Variants in CHLSN observed in about 807,000 individuals in gnomAD.
CHLSN encodes the protein protein cholesin.
the CHLSN span, among the ~76,000 whole-genome samples, chr7:1,131,644 G>T: frequency 6.6e-6 from 1 of 152,326 alleles, no homozygotes; most frequent in South Asian, 2.1e-4. Flanking sequence ...TGACACAGGG[G>T]CTCTGGAAAG....
chr7:1,105,859 G>C, the CHLSN span, among the ~76,000 whole-genome samples: 1 of 152,146 alleles, frequency 6.6e-6, no homozygotes, highest in Non-Finnish European at 1.5e-5. Flanking sequence ...GGAGGAAAAG[G>C]CTTTGTTTTT....
At chr7:1,127,294 GGGCCCAGCAGT>G in the CHLSN span, 7 of 1,610,432 alleles carry the variant, frequency 4.3e-6, no homozygotes, top group South Asian at 6.6e-5. Flanking sequence ...TGCAGCCTCA[GGGCCCAGCAGT>G]GGCCCCTCTG....
chr7:1,023,661 ACACACACACACACAC>A, the CHLSN span, among the ~76,000 whole-genome samples: 2 of 105,300 alleles, frequency 1.9e-5, no homozygotes, highest in African/African-American at 6.0e-5. This position sits in a 1 kb window ranked among gnomAD's most constrained non-coding sequence, Gnocchi z 5.0. Flanking sequence ...ACACACACAC[ACACACACACACACAC>A]ACCAGCAACG....
chr7:1,041,330 G>GGGCTCTGCGCTGCAGGGAACGGGA, the CHLSN span, among the ~76,000 whole-genome samples: 3 of 65,952 alleles, frequency 4.5e-5, no homozygotes, highest in Admixed American at 1.5e-4. Context: ...GGGGAAGGGG[G>GGGCTCTGCGCTGCAGGGAACGGGA]CCTGGGGTCC....
At chr7:1,091,125 G>C in the CHLSN span, among the ~76,000 whole-genome samples, 340 of 152,300 alleles carry the variant, frequency 2.2e-3, 2 homozygotes, top group Non-Finnish European at 3.3e-3. Context: ...TGGCTATAAA[G>C]GGAAAAACAC....
At chr7:1,088,631 G>A in the CHLSN span, among the ~76,000 whole-genome samples, 3 of 152,292 alleles carry the variant, frequency 2.0e-5, no homozygotes, top group Non-Finnish European at 4.4e-5. The surrounding 1 kb of genome is among the most constrained non-coding windows in gnomAD (Gnocchi z 4.5). Flanking sequence ...AGAAAATGAG[G>A]GTGCCCACTC....
the CHLSN span, among the ~76,000 whole-genome samples, chr7:1,107,944 G>A: frequency 0.03 from 3,286 of 110,974 alleles, 2 homozygotes; most frequent in Admixed American, 0.033. Context: ...CCCGCACCCC[G>A]GGAGGAAGCA....
chr7:1,061,492 C>A, the CHLSN span, among the ~76,000 whole-genome samples: 1 of 152,158 alleles, frequency 6.6e-6, no homozygotes, highest in East Asian at 1.9e-4. Flanking sequence ...AGGCCTCCGT[C>A]CTCATCCCCA....
At chr7:1,109,434 CCT>C in the CHLSN span, 8 of 152,242 alleles carry the variant, frequency 5.3e-5, no homozygotes, top group Admixed American at 1.3e-4. Flanking sequence ...ACGCGTGGCC[CCT>C]GAGGCCCCCC....
chr7:1,120,882 G>A, the CHLSN span, among the ~76,000 whole-genome samples: 1 of 152,130 alleles, frequency 6.6e-6, no homozygotes, highest in African/African-American at 2.4e-5. Context: ...ATGGACACAG[G>A]GCAGCAGGGC....
the CHLSN span, among the ~76,000 whole-genome samples, chr7:1,007,058 G>C: frequency 6.6e-6 from 1 of 152,208 alleles, no homozygotes; most frequent in Non-Finnish European, 1.5e-5. Flanking sequence ...CTGGGTCGAC[G>C]TGTCTTGGGG....
At chr7:1,018,842 G>A in the CHLSN span, among the ~76,000 whole-genome samples, 1 of 152,130 alleles carries the variant, frequency 6.6e-6, no homozygotes, top group South Asian at 2.1e-4. Flanking sequence ...TGGGTGATAG[G>A]CTCGTCCAGC....
the CHLSN span, among the ~76,000 whole-genome samples, chr7:1,075,092 G>A: frequency 1.3e-4 from 20 of 152,192 alleles, no homozygotes; most frequent in African/African-American, 4.1e-4. Context: ...CCCAGGAGCA[G>A]CCTTGCCGCC....
the CHLSN span, among the ~76,000 whole-genome samples, chr7:1,085,199 A>T: frequency 6.6e-6 from 1 of 152,222 alleles, no homozygotes; most frequent in East Asian, 1.9e-4. Context: ...TAGCTCAATA[A>T]GCAATGATCA....
chr7:1,103,068 G>A, the CHLSN span, among the ~76,000 whole-genome samples: 1 of 152,200 alleles, frequency 6.6e-6, no homozygotes, highest in Non-Finnish European at 1.5e-5. Context: ...TGCAGCGTGC[G>A]GGCCGGGGTC....
the CHLSN span, among the ~76,000 whole-genome samples, chr7:1,116,315 CAGGCTTCCATCACCAA>C: frequency 1.4e-5 from 2 of 140,962 alleles, no homozygotes; most frequent in African/African-American, 2.8e-5. Context: ...GCTCTACGGA[CAGGCTTCCATCACCAA>C]CGCCCATGCA....
the CHLSN span, among the ~76,000 whole-genome samples, chr7:1,074,173 G>A: frequency 0.032 from 285 of 8,990 alleles, 13 homozygotes; most frequent in Middle Eastern, 0.1. Context: ...CCCCGCCGCC[G>A]TCACGCCCGA....
At chr7:985,246 T>G in the CHLSN span, 1 of 1,552,300 alleles carries the variant, frequency 6.4e-7, no homozygotes, top group South Asian at 1.2e-5. Context: ...CCGATTTGAC[T>G]ACCGGGACCC....
At chr7:1,042,549 C>T in the CHLSN span, among the ~76,000 whole-genome samples, 10 of 152,318 alleles carry the variant, frequency 6.6e-5, no homozygotes, top group East Asian at 1.2e-3. Flanking sequence ...TTCCCTCTGA[C>T]GATCTCCCCA....
Sources: allele counts gnomAD v4.1 joint callset (sites outside exome capture counted in the v4.1 genomes callset), GRCh38; gene constraint gnomAD v4.1.1; non-coding constraint Gnocchi (gnomAD v3.1); transcripts MANE v1.5; gene names NCBI Gene and HGNC (gene_info 2026-07-23, HGNC 2026-07-21).